The following NOS1AP variants were observed in gnomAD, a reference collection of about 807,000 sequenced individuals.
NOS1AP encodes the protein nitric oxide synthase 1 adaptor protein.
A neutral mutation model predicts 56.2 loss-of-function variants in NOS1AP; 21 were observed. The ratio of observed to expected loss-of-function variants is 0.37; its 90% CI spans 0.26 to 0.54. The LOEUF (loss-of-function observed/expected upper bound fraction) is 0.54, where lower values mean the gene tolerates loss of function less well. Ranked by LOEUF, NOS1AP falls within the 20% of genes least tolerant of loss-of-function variation. NOS1AP has a pLI of 0.84. For missense variants in NOS1AP, 522 were observed against 657.8 expected (o/e 0.79, Z 2.26); for synonymous variants, 270 against 274.6 (o/e 0.98, Z 0.17).
At chr1:162,110,266 C>A (rs1439531008) in intron 1 of NOS1AP, among the ~76,000 whole-genome samples, 5 of 131,742 alleles carry the variant, frequency 3.8e-5, no homozygotes, top group African/African-American at 1.9e-4. Flanking sequence ...ATATGTAGAC[C>A]ACTGTGCCTG....
chr1:162,145,485 G>C (rs776457943), intron 1 of NOS1AP, among the ~76,000 whole-genome samples: 9 of 152,160 alleles, frequency 5.9e-5, no homozygotes, highest in Non-Finnish European at 1.2e-4. Flanking sequence ...CACTGGCTGA[G>C]TGTGTGCCCC....
At chr1:162,155,289 C>CATATATATATACATGT (rs1649907416) in intron 2 of NOS1AP, among the ~76,000 whole-genome samples, 1 of 142,016 alleles carries the variant, frequency 7.0e-6, no homozygotes, top group Non-Finnish European at 1.5e-5. Context: ...CACATATATA[C>CATATATATATACATGT]ATATATATGT....
Position 162,168,171 on chromosome 1 carries a change from G to A in NOS1AP, c.177+13695G>A, listed in dbSNP as rs375851254. 3.3e-5 allele frequency among the ~76,000 whole-genome samples: 5 copies of A among 152,230 alleles called. No individual in the cohort carries two copies. The East Asian group carries it at 5.8e-4, about 18-fold the overall frequency. On this transcript the variant is annotated intron_variant, in intron 2 of 9. Coordinates refer to ENST00000361897, the MANE Select transcript of NOS1AP (RefSeq NM_014697.3). Reference sequence around the variant, plus strand: ...CATAGGCAATGAATGGCCAGGATTCGGGCTCTAAAACTGGGTCTCCTGACC... The same window carrying A: ...CATAGGCAATGAATGGCCAGGATTCAGGCTCTAAAACTGGGTCTCCTGACC...
chr1:162,230,133 G>T (rs1653076699), intron 2 of NOS1AP, among the ~76,000 whole-genome samples: 2 of 152,196 alleles, frequency 1.3e-5, no homozygotes, highest in Admixed American at 1.3e-4. Context: ...TCTCCTTGCA[G>T]AGTTAGTGGC....
chr1:162,285,604 CAA>C lies in NOS1AP; in HGVS notation c.178-1731_178-1730del, dbSNP rs11338041. ...GTCCTACCTAAGCCAGACTCCAGTG[CAA>C]AAAAAAAATCCTGTCAGATGCGCCT... is the stretch of plus-strand genomic sequence containing the variant. On this transcript the variant is annotated intron_variant, in intron 2 of 9. Coordinates refer to ENST00000361897, the MANE Select transcript of NOS1AP (RefSeq NM_014697.3). Among the ~76,000 whole-genome samples the C allele has an allele frequency of 4.4e-3, 662 of 150,626 alleles. 5 individuals carry two copies. Among genetic ancestry groups the C allele is most frequent in the Non-Finnish European group, 7.3e-3 (493 of 67,546 alleles).
At chr1:162,258,260 C>A (rs1383655456) in intron 2 of NOS1AP, among the ~76,000 whole-genome samples, 2 of 152,312 alleles carry the variant, frequency 1.3e-5, no homozygotes, top group Admixed American at 6.5e-5. Context: ...TCTTTTCTTA[C>A]TTGTCTCTGA....
At chr1:162,280,891 G>A (rs1654902838) in intron 2 of NOS1AP, among the ~76,000 whole-genome samples, 1 of 152,048 alleles carries the variant, frequency 6.6e-6, no homozygotes, top group African/African-American at 2.4e-5. Flanking sequence ...TGGTCATGCT[G>A]GCATTTCTGA....
At chr1:162,119,884 G>A (rs1220285845) in intron 1 of NOS1AP, among the ~76,000 whole-genome samples, 1 of 152,124 alleles carries the variant, frequency 6.6e-6, no homozygotes, top group Non-Finnish European at 1.5e-5. Context: ...GGGATCCTTG[G>A]CTTGTTGTAA....
chr1:162,115,886 G>A (rs1289696686), intron 1 of NOS1AP, among the ~76,000 whole-genome samples: 2 of 152,136 alleles, frequency 1.3e-5, no homozygotes, highest in Non-Finnish European at 1.5e-5. Context: ...ATTTATGGGA[G>A]GTATGCAGGT....
At chr1:162,324,548 G>T (rs1233885902) in intron 4 of NOS1AP, among the ~76,000 whole-genome samples, 1 of 151,622 alleles carries the variant, frequency 6.6e-6, no homozygotes, top group African/African-American at 2.4e-5. Context: ...TAAAGCAGGG[G>T]AGGTTTTAGT....
At chr1:162,113,430 A>T (rs1454338147) in intron 1 of NOS1AP, among the ~76,000 whole-genome samples, 1 of 152,182 alleles carries the variant, frequency 6.6e-6, no homozygotes, top group Admixed American at 6.5e-5. Context: ...TAATGAGTCC[A>T]TTCTTGCATT....
intron 3 of NOS1AP, among the ~76,000 whole-genome samples, chr1:162,293,349 A>G (rs1386618778): frequency 6.6e-6 from 1 of 152,224 alleles, no homozygotes; most frequent in African/African-American, 2.4e-5. Context: ...AATGAATGTC[A>G]GTACAAATTT....
At chr1:162,344,437 G>A (rs1657209016) in intron 6 of NOS1AP, among the ~76,000 whole-genome samples, 1 of 151,904 alleles carries the variant, frequency 6.6e-6, no homozygotes, top group Non-Finnish European at 1.5e-5. Flanking sequence ...TCTCAAGTCT[G>A]TTAATCCTAG....
At position 162,118,494 on chromosome 1, in the gene NOS1AP, G is replaced by A. The variant is rs78981766; in HGVS notation, c.106-35911G>A. On this transcript the variant is annotated intron_variant, in intron 1 of 9. Transcript: ENST00000361897. Reference sequence around the variant, plus strand: ...TCTTTTTCCTGTCCACTGGTGATGGGCACCTAAGTTGATTCCACGTGTTTG... The same window carrying A: ...TCTTTTTCCTGTCCACTGGTGATGGACACCTAAGTTGATTCCACGTGTTTG... Among the ~76,000 whole-genome samples, 75 of 152,158 alleles carry A rather than the reference G, an allele frequency of 4.9e-4. 1 individual carries two copies. Among genetic ancestry groups the A allele is most frequent in the East Asian group, 4.6e-3 (24 of 5,174 alleles).
At chr1:162,220,483 T>C (rs1652735044) in intron 2 of NOS1AP, among the ~76,000 whole-genome samples, 1 of 152,204 alleles carries the variant, frequency 6.6e-6, no homozygotes, top group African/African-American at 2.4e-5. Flanking sequence ...CTCATGGAAG[T>C]GCTGTTGCTA....
At chr1:162,264,568 G>A (rs1201455469) in intron 2 of NOS1AP, among the ~76,000 whole-genome samples, 1 of 149,204 alleles carries the variant, frequency 6.7e-6, no homozygotes, top group Non-Finnish European at 1.5e-5. Flanking sequence ...GTGCAGTGGT[G>A]TGATCTTGGC....
intron 1 of NOS1AP, among the ~76,000 whole-genome samples, chr1:162,098,627 C>T (rs1356801011): frequency 6.6e-6 from 1 of 152,040 alleles, no homozygotes; most frequent in African/African-American, 2.4e-5. Context: ...GGTATTAAGC[C>T]TAGCATCCAC....
chr1:162,197,696 A>G (rs972827503), intron 2 of NOS1AP, among the ~76,000 whole-genome samples: 3 of 152,154 alleles, frequency 2.0e-5, no homozygotes, highest in Non-Finnish European at 4.4e-5. Context: ...CTTAGGGGCT[A>G]GGCCTCGCAC....
chr1:162,251,847 C>G (rs1056276656), intron 2 of NOS1AP, among the ~76,000 whole-genome samples: 2 of 142,386 alleles, frequency 1.4e-5, no homozygotes, highest in East Asian at 4.1e-4. Context: ...ACCACAACAC[C>G]TAGCTAGTTG....
Sources: allele counts gnomAD v4.1 joint callset (sites outside exome capture counted in the v4.1 genomes callset), GRCh38; gene constraint gnomAD v4.1.1; transcripts MANE v1.5; gene names NCBI Gene and HGNC (gene_info 2026-07-23, HGNC 2026-07-21).